SPTAN1: variants seen among roughly 807,000 people sequenced by gnomAD.
SPTAN1 encodes the protein spectrin alpha chain, non-erythrocytic 1.
Under a neutral mutation model 331.3 loss-of-function variants are expected in SPTAN1, and 61 were observed. The observed-to-expected ratio is 0.18, with a 90% CI of 0.15 to 0.23. The LOEUF (loss-of-function observed/expected upper bound fraction) is 0.23, where lower values mean the gene tolerates loss of function less well. Among genes scored for constraint, SPTAN1 ranks in the 10% least tolerant of loss-of-function variants. The pLI is 1.00. For synonymous variants in SPTAN1, 1,153 were observed against 1,173.9 expected (o/e 0.98, Z 0.36); for missense variants, 2,043 against 3,147.9 (o/e 0.65, Z 8.40).
At chr9:128,626,294 CT>C in intron 48 of SPTAN1, 96 bp from the exon 49 acceptor site, 1 of 1,456,226 alleles carries the variant, frequency 6.9e-7, no homozygotes, top group South Asian at 1.1e-5. Context: ...CTGTGTGCGC[CT>C]CTGATTCCCA....
chr9:128,564,661 G>A (rs955232888), intron 1 of SPTAN1, among the ~76,000 whole-genome samples: 1 of 152,148 alleles, frequency 6.6e-6, no homozygotes, highest in Non-Finnish European at 1.5e-5. Flanking sequence ...ATGTACAATT[G>A]CTTTGCAAAT....
chr9:128,603,110 A>G lies in SPTAN1; in HGVS notation c.3580-433A>G, dbSNP rs144288438. ...TAAAAAGAACAGCAACCCAGTAACT[A>G]TAATTGGAGATGAAAGTGATTATTA... On this transcript the variant is annotated intron_variant, in intron 27 of 56. Transcript: ENST00000372739. 2.8e-3 allele frequency among the ~76,000 whole-genome samples: 427 copies of G among 152,278 alleles called. 10 individuals carry two copies. In the East Asian group the frequency reaches 0.041, roughly 15 times the overall value.
chr9:128,590,578 G>A (rs1336254467), intron 21 of SPTAN1, among the ~76,000 whole-genome samples: 3 of 148,908 alleles, frequency 2.0e-5, no homozygotes, highest in East Asian at 2.0e-4. Flanking sequence ...AGGGCCAGGC[G>A]TGGTGGTTCA....
At chr9:128,557,894 C>T (rs1175429653) in intron 1 of SPTAN1, among the ~76,000 whole-genome samples, 3 of 151,518 alleles carry the variant, frequency 2.0e-5, no homozygotes, top group African/African-American at 7.3e-5. Flanking sequence ...AGCTCCGCCT[C>T]CCAGGTTCAC....
chr9:128,609,752 C>T, intron 37 of SPTAN1, 87 bp downstream of exon 37: 5 of 891,018 alleles, frequency 5.6e-6, no homozygotes, highest in Non-Finnish European at 8.2e-6. Flanking sequence ...TTATTGTGGT[C>T]ACACGGTTTG....
At chr9:128,597,116 C>T (rs983509605) in intron 24 of SPTAN1, among the ~76,000 whole-genome samples, 5 of 152,170 alleles carry the variant, frequency 3.3e-5, no homozygotes, top group East Asian at 1.9e-4. Flanking sequence ...GCCATGATCA[C>T]GCCACTGCAC....
In SPTAN1 at chr9:128,627,693, G is replaced by A. The variant is rs1589394599; in HGVS notation, c.6689+195G>A. 2.6e-6 allele frequency: 2 copies of A among 782,180 alleles called. No individual in the cohort carries two copies. Among genetic ancestry groups the A allele is most frequent in the East Asian group, 2.4e-5 (1 of 41,066 alleles). The allele number at this position is 782,180 out of a possible 1,614,324, so 48.5% of individuals were successfully genotyped here. ...ATAGGTGGAGCAGCCTCTCAGTGCT[G>A]CATGTCCCAGACATCAAGTTGTTAG... On this transcript the variant is annotated intron_variant, in intron 50 of 56. Transcript: ENST00000372739. This position sits in a 1 kb window ranked among gnomAD's most constrained non-coding sequence, Gnocchi z 4.9.
At chr9:128,598,698 T>C (rs917712832) in intron 25 of SPTAN1, 194 bp downstream of exon 25, 1 of 662,704 alleles carries the variant, frequency 1.5e-6, no homozygotes, top group Non-Finnish European at 2.7e-6. Flanking sequence ...TCACTTGGTT[T>C]GGAGGGGGGT....
At chr9:128,615,358 G>A (rs1386099765) in intron 40 of SPTAN1, among the ~76,000 whole-genome samples, 1 of 152,068 alleles carries the variant, frequency 6.6e-6, no homozygotes, top group Non-Finnish European at 1.5e-5. Context: ...ACTTCTGCTA[G>A]TAGTTTGCCA....
intron 2 of SPTAN1, among the ~76,000 whole-genome samples, chr9:128,568,355 G>A (rs10988041): frequency 0.16 from 23,751 of 152,174 alleles, 2,355 homozygotes; most frequent in East Asian, 0.44. Context: ...AAAGTCTCAT[G>A]TGTGAGTGAA....
intron 25 of SPTAN1, 131 bp downstream of exon 25, chr9:128,598,635 C>T (rs962099122): frequency 3.7e-6 from 3 of 812,268 alleles, no homozygotes; most frequent in African/African-American, 3.4e-5. Flanking sequence ...GTCAGGTCCT[C>T]TATGTGACCA....
At chr9:128,561,401 C>T (rs1219128526) in intron 1 of SPTAN1, among the ~76,000 whole-genome samples, 3 of 149,238 alleles carry the variant, frequency 2.0e-5, no homozygotes, top group Admixed American at 6.7e-5. Context: ...CGGTGGCTCA[C>T]GCCTGTAATC....
intron 23 of SPTAN1, 145 bp downstream of exon 23, chr9:128,593,187 C>T: frequency 3.4e-6 from 3 of 892,384 alleles, no homozygotes; most frequent in Non-Finnish European, 1.8e-6. Context: ...AGCTTTGGCT[C>T]ACAAGGGAAG....
intron 10 of SPTAN1, among the ~76,000 whole-genome samples, chr9:128,579,968 C>G (rs2131067276): frequency 6.6e-6 from 1 of 152,200 alleles, no homozygotes; most frequent in South Asian, 2.1e-4. Context: ...CTTACAGGGA[C>G]TTTCTGTAGG....
Position 128,608,298 on chromosome 9 carries a change from G to A in SPTAN1, c.4491+22G>A, listed in dbSNP as rs574080395. The A allele has an allele frequency of 2.2e-5, 36 of 1,613,958 alleles. No individual in the cohort carries two copies. In the South Asian group the frequency reaches 3.6e-4, roughly 16 times the overall value. On this transcript the variant is annotated intron_variant, in intron 34 of 56. Transcript: ENST00000372739. ...CCAGGTGAGGCCTCTGGACCATGGA[G>A]TTGGAGTCTGGATTTTTCCTGATTG...
At chr9:128,587,473 A>C (rs576636320) in intron 19 of SPTAN1, 133 bp from the exon 20 acceptor site, 47 of 742,270 alleles carry the variant, frequency 6.3e-5, no homozygotes, top group Admixed American at 1.2e-4. Context: ...TAGCACTGTA[A>C]GAAGGGCAGG....
chr9:128,632,569 C>T lies in SPTAN1; in HGVS notation c.7014-3C>T. The T allele has an allele frequency of 6.2e-7, 1 of 1,614,120 alleles. No individual in the cohort carries two copies. Among genetic ancestry groups the T allele is most frequent in the Non-Finnish European group, 8.5e-7 (1 of 1,180,040 alleles). On this transcript the variant is annotated splice_polypyrimidine_tract_variant and splice_region_variant and intron_variant, in intron 54 of 56. Coordinates refer to ENST00000372739, the MANE Select transcript of SPTAN1 (RefSeq NM_001130438.3). Reference sequence around the variant, plus strand: ...CTGAGCCGCCCTCGGCTTTGTGCTGCAGACACTTTGACAAGGACAAGTCTG... The same window carrying T: ...CTGAGCCGCCCTCGGCTTTGTGCTGTAGACACTTTGACAAGGACAAGTCTG...
At chr9:128,583,695 T>G (rs1852221673) in intron 15 of SPTAN1, 93 bp from the exon 16 acceptor site, 12 of 1,349,572 alleles carry the variant, frequency 8.9e-6, no homozygotes. Context: ...TTCTGACCTG[T>G]ATAGTCCTTC....
At chr9:128,590,807 T>C (rs10819417) in intron 21 of SPTAN1, among the ~76,000 whole-genome samples, 147,167 of 151,880 alleles carry the variant, frequency 0.97, 71,488 homozygotes, top group East Asian at 1. Flanking sequence ...GCCAAGATCG[T>C]GCCACTGCAC....
Sources: allele counts gnomAD v4.1 joint callset (sites outside exome capture counted in the v4.1 genomes callset), GRCh38; gene constraint gnomAD v4.1.1; non-coding constraint Gnocchi (gnomAD v3.1); transcripts MANE v1.5; gene names NCBI Gene and HGNC (gene_info 2026-07-23, HGNC 2026-07-21).